The following PHF21B variants were observed in gnomAD, a reference collection of about 807,000 sequenced individuals.
PHF21B encodes the protein PHD finger protein 4.
Under a neutral mutation model 62.2 loss-of-function variants are expected in PHF21B, and 22 were observed. The ratio of observed to expected loss-of-function variants is 0.35; its 90% confidence interval spans 0.25 to 0.51. The LOEUF (loss-of-function observed/expected upper bound fraction) is 0.51, where lower values mean the gene tolerates loss of function less well. Ranked by LOEUF, PHF21B falls within the 20% of genes least tolerant of loss-of-function variation. PHF21B has a pLI of 0.97. For missense variants in PHF21B, 701 were observed against 707.9 expected (o/e 0.99, Z 0.11); for synonymous variants, 341 against 314.7 (o/e 1.08, Z -0.88).
At chr22:44,967,772 A>G (rs2072557396) in intron 2 of PHF21B, among the ~76,000 whole-genome samples, 1 of 152,088 alleles carries the variant, frequency 6.6e-6, no homozygotes. Flanking sequence ...CAGGATCCCA[A>G]CGAGGATCCC....
intron 2 of PHF21B, among the ~76,000 whole-genome samples, chr22:44,933,749 A>C (rs936088865): frequency 6.6e-6 from 1 of 152,116 alleles, no homozygotes; most frequent in South Asian, 2.1e-4. Context: ...AGACAGACAG[A>C]CAGAGAGACA....
intron 5 of PHF21B, among the ~76,000 whole-genome samples, chr22:44,898,813 G>A (rs920253653): frequency 2.6e-5 from 4 of 152,152 alleles, no homozygotes; most frequent in Non-Finnish European, 5.9e-5. Context: ...ACGGATCCTG[G>A]TGTGCCCGGT....
chr22:45,000,399 C>T (rs530139701), intron 2 of PHF21B, among the ~76,000 whole-genome samples: 25 of 152,116 alleles, frequency 1.6e-4, no homozygotes, highest in African/African-American at 4.8e-4. Context: ...GCAGATGGGG[C>T]GAGTAGCAGC....
At chr22:44,907,026 T>C (rs768660319) in intron 5 of PHF21B, among the ~76,000 whole-genome samples, 3 of 152,216 alleles carry the variant, frequency 2.0e-5, no homozygotes, top group Non-Finnish European at 2.9e-5. Context: ...CCTTGACACC[T>C]GTAGGTACAT....
intron 10 of PHF21B, 86 bp from the exon 11 acceptor site, chr22:44,886,024 G>T: frequency 7.7e-7 from 1 of 1,301,212 alleles, no homozygotes; most frequent in South Asian, 1.3e-5. Flanking sequence ...AACCCTGAGG[G>T]GGCACGCCCT....
chr22:44,887,156 C>CAAA (rs565346064), intron 10 of PHF21B, among the ~76,000 whole-genome samples: 1,264 of 65,032 alleles, frequency 0.019, 20 homozygotes, highest in African/African-American at 0.051. Context: ...AACTCCATCT[C>CAAA]AAAAAAAAAA....
chr22:44,995,003 C>T (rs868586399), intron 2 of PHF21B, among the ~76,000 whole-genome samples: 5 of 152,350 alleles, frequency 3.3e-5, no homozygotes, highest in South Asian at 4.1e-4. Context: ...TACTGGTACT[C>T]GCCAGCCAGG....
At chr22:44,883,819 A>G (rs939780838) in intron 12 of PHF21B, among the ~76,000 whole-genome samples, 9 of 152,124 alleles carry the variant, frequency 5.9e-5, no homozygotes, top group African/African-American at 1.9e-4. Context: ...CCTCCCCGAG[A>G]TGGTTTCTAA....
intron 2 of PHF21B, among the ~76,000 whole-genome samples, chr22:44,991,997 C>T (rs1195640778): frequency 6.6e-6 from 1 of 152,200 alleles, no homozygotes; most frequent in Non-Finnish European, 1.5e-5. Context: ...GAAACCAGAC[C>T]CGGACGTTGG....
chr22:45,008,948 G>A, intron 1 of PHF21B: 2 of 1,086,772 alleles, frequency 1.8e-6, no homozygotes, highest in Non-Finnish European at 2.2e-6. Flanking sequence ...GAGGAACAAA[G>A]AGCCAAGTAA....
At chr22:44,896,883 T>TTTTTTTTTTTTTTTTTTTTTTTTTTG (rs1555933178) in intron 5 of PHF21B, among the ~76,000 whole-genome samples, 1 of 132,316 alleles carries the variant, frequency 7.6e-6, no homozygotes. Context: ...TTTATCTGTT[T>TTTTTTTTTTTTTTTTTTTTTTTTTTG]TTTTTTTTTT....
intron 2 of PHF21B, among the ~76,000 whole-genome samples, chr22:44,980,386 CCA>C (rs912180194): frequency 7.9e-5 from 12 of 152,134 alleles, no homozygotes; most frequent in African/African-American, 2.7e-4. Context: ...CACACGGTTC[CCA>C]GAGTCTCCTG....
chr22:44,886,392 CAAAAAAAAAAAAAAAAA>C (rs61502377), intron 10 of PHF21B, among the ~76,000 whole-genome samples: 32 of 53,180 alleles, frequency 6.0e-4, no homozygotes, highest in African/African-American at 2.1e-3. Flanking sequence ...GAAGAAGAGG[CAAAAAAAAAAAAAAAAA>C]AAAAAAAAAA....
At chr22:45,008,901 A>T in intron 1 of PHF21B, 1 of 1,151,294 alleles carries the variant, frequency 8.7e-7, no homozygotes, top group African/African-American at 1.6e-5. Flanking sequence ...TGCGTGTGCG[A>T]GTGAGTGTGA....
rs73889901 is a variant in PHF21B, at chr22:44,972,908, C to T, written c.120+35637G>A. Among the ~76,000 whole-genome samples the T allele has an allele frequency of 5.3e-3, 809 of 152,092 alleles. 7 individuals are homozygous for T. The highest frequency in any genetic ancestry group is 0.019 in the African/African-American group (779 of 41,496). On this transcript the variant is annotated intron_variant, in intron 2 of 12. Coordinates refer to ENST00000313237, the MANE Select transcript of PHF21B (RefSeq NM_138415.5). Reference sequence around the variant, plus strand: ...CCCAAGTAGGCCAAGGAAGTAGGGGCGGGGGAGGGAGGTTGGCAGGCAGGG... The same window carrying T: ...CCCAAGTAGGCCAAGGAAGTAGGGGTGGGGGAGGGAGGTTGGCAGGCAGGG...
At chr22:44,903,490 G>C (rs1380660486) in intron 5 of PHF21B, among the ~76,000 whole-genome samples, 1 of 151,768 alleles carries the variant, frequency 6.6e-6, no homozygotes, top group East Asian at 1.9e-4. Flanking sequence ...AATTCTTGTT[G>C]CTATTAGTTT....
intron 7 of PHF21B, among the ~76,000 whole-genome samples, chr22:44,891,944 AC>A (rs973076137): frequency 3.3e-5 from 5 of 151,194 alleles, no homozygotes; most frequent in Non-Finnish European, 7.4e-5. Context: ...ATTTGACACC[AC>A]TTCTCTCGGT....
In PHF21B at chr22:44,927,329, G is replaced by A. The variant is rs1027873810; in HGVS notation, c.121-6839C>T. 8.5e-5 allele frequency among the ~76,000 whole-genome samples: 13 copies of A among 152,220 alleles called. 1 individual carries two copies. On this transcript the variant is annotated intron_variant, in intron 2 of 12. Coordinates refer to ENST00000313237, the MANE Select transcript of PHF21B (RefSeq NM_138415.5). Reference sequence around the variant, plus strand: ...GCCTGTGTGCCCCTGCCTGGGACTCGAGGTGCCCTGCAGCTCTTCAGGGAG... The same window carrying A: ...GCCTGTGTGCCCCTGCCTGGGACTCAAGGTGCCCTGCAGCTCTTCAGGGAG...
At chr22:45,006,779 C>T (rs1381596491) in intron 2 of PHF21B, among the ~76,000 whole-genome samples, 2 of 151,912 alleles carry the variant, frequency 1.3e-5, no homozygotes, top group Non-Finnish European at 2.9e-5. Context: ...TACGAGTCAA[C>T]AACTTGCCGT....
Sources: gnomAD v4.1 joint callset for allele counts (sites outside exome capture counted in the v4.1 genomes callset) on GRCh38, gnomAD v4.1.1 for gene constraint, MANE v1.5 for transcripts, NCBI Gene and HGNC (gene_info 2026-07-23, HGNC 2026-07-21) for gene names.